The following SPTA1 variants were observed in gnomAD, a reference collection of about 807,000 sequenced individuals.
SPTA1 encodes the protein spectrin alpha, erythrocytic 1.
A neutral mutation model predicts 324.7 loss-of-function variants in SPTA1; 177 were observed. That is an observed-to-expected ratio of 0.55 (90% CI 0.48 to 0.62). SPTA1 has a LOEUF of 0.62. SPTA1 is among the 20% of genes least tolerant of loss of function. SPTA1 has a pLI of 0.00. For missense variants in SPTA1, 3,162 were observed against 2,883.6 expected (o/e 1.10, Z -2.21); for synonymous variants, 1,195 against 1,041.3 (o/e 1.15, Z -2.84).
chr1:158,668,087 A>C (rs773508381), intron 14 of SPTA1, 25 bp from the exon 15 acceptor site: 13 of 1,607,982 alleles, frequency 8.1e-6, no homozygotes, highest in Middle Eastern at 1.7e-4. Flanking sequence ...AAAAAAAAAA[A>C]AAAACCATTA....
At chr1:158,653,251 G>T (rs1361782340) in intron 22 of SPTA1, 23 bp downstream of exon 22, 2 of 1,613,936 alleles carry the variant, frequency 1.2e-6, no homozygotes, top group Non-Finnish European at 1.7e-6. Flanking sequence ...ATACTGTTCA[G>T]TTCTCCAGGC....
intron 39 of SPTA1, among the ~76,000 whole-genome samples, chr1:158,628,627 T>C (rs1372423638): frequency 2.0e-5 from 3 of 152,162 alleles, no homozygotes; most frequent in Admixed American, 1.3e-4. Context: ...TGATTGACTT[T>C]GTATGACTGA....
chr1:158,639,374 G>C (rs1442680452), intron 35 of SPTA1: 1 of 604,704 alleles, frequency 1.7e-6, no homozygotes, highest in East Asian at 2.9e-5. Context: ...GAATCTTAAA[G>C]TCTATAGTTT....
At chr1:158,624,498 T>G (rs1309151934) in intron 42 of SPTA1, among the ~76,000 whole-genome samples, 1 of 152,190 alleles carries the variant, frequency 6.6e-6, no homozygotes, top group Non-Finnish European at 1.5e-5. Flanking sequence ...ATTTCAGACT[T>G]GTATGAGGCC....
intron 49 of SPTA1, 135 bp downstream of exon 49, chr1:158,614,118 C>T (rs1431077272): frequency 8.6e-6 from 7 of 815,882 alleles, no homozygotes; most frequent in South Asian, 1.6e-5. Flanking sequence ...AAAGCCATGA[C>T]TGGAGCTAAT....
In SPTA1 at chr1:158,617,539, T is replaced by A; in HGVS notation, c.6598A>T (p.Lys2200Ter). The change falls in exon 47 of 52, where the codon AAA (lysine) becomes TAA (stop). Residue 2200 changes from lysine (K) to a stop codon, truncating the protein, a stop_gained and splice_region_variant. Transcript: ENST00000643759. LOFTEE classifies it high-confidence loss of function. ...GTLESQLEAN[K>*]RKQKEIQAMK... ...GTTAATGAAAAAACAATACTTACTT[T>A]ATTTGCTTCCAGCTGAGATTCCAGA... The A allele has an allele frequency of 6.2e-7, 1 of 1,613,184 alleles. No homozygotes were observed. The highest frequency in any genetic ancestry group is 1.1e-5 in the South Asian group (1 of 91,050).
Position 158,656,634 on chromosome 1 carries a change from G to A in SPTA1, c.2828C>T (p.Ala943Val). 5.6e-6 allele frequency: 9 copies of A among 1,613,662 alleles called. No homozygotes were observed. The highest frequency in any genetic ancestry group is 2.2e-5 in the East Asian group (1 of 44,856). Residue 943 changes from alanine to valine, a missense_variant, in exon 20 of 52, where the codon GCC becomes GTC. By Grantham distance (64) the Ala-to-Val change is moderately conservative (BLOSUM62 0). Coordinates refer to ENST00000643759, the MANE Select transcript of SPTA1 (RefSeq NM_003126.4). ...AAGALLKKHEAFLLDLNSFGD... is the reference protein window; with the variant it reads ...AAGALLKKHEVFLLDLNSFGD... Reference sequence around the variant, plus strand: ...AAATGAATTGAGATCTAATAGAAAGGCCTCATGCTTCTTTAGAAGAGCCTG... The same window carrying A: ...AAATGAATTGAGATCTAATAGAAAGACCTCATGCTTCTTTAGAAGAGCCTG...
chr1:158,648,430 G>A (rs886686258), intron 26 of SPTA1, 79 bp downstream of exon 26: 2 of 1,579,458 alleles, frequency 1.3e-6, no homozygotes, highest in Middle Eastern at 1.8e-4. Flanking sequence ...CTGAAAAAGA[G>A]AACCAAAGAA....
At chr1:158,614,889 C>T (rs985526069) in intron 48 of SPTA1, 3 of 286,078 alleles carry the variant, frequency 1.0e-5, no homozygotes, top group Non-Finnish European at 2.0e-5. Context: ...CTAGACATTA[C>T]ATTTTAGATA....
intron 39 of SPTA1, among the ~76,000 whole-genome samples, chr1:158,634,207 A>C (rs1650893991): frequency 6.6e-6 from 1 of 152,182 alleles, no homozygotes. Flanking sequence ...TAACATGAAA[A>C]TTCAAGGGAA....
At chr1:158,654,932 G>C (rs190348398) in intron 20 of SPTA1, among the ~76,000 whole-genome samples, 184 bp from the exon 21 acceptor site, 1 of 152,192 alleles carries the variant, frequency 6.6e-6, no homozygotes, top group East Asian at 1.9e-4. Context: ...GACACTTATC[G>C]GGGACAGGCA....
chr1:158,661,456 G>C (rs370763619), intron 17 of SPTA1, 47 bp from the exon 18 acceptor site: 2 of 1,612,690 alleles, frequency 1.2e-6, no homozygotes. Flanking sequence ...CTGGTGTATG[G>C]AAGTAGCATA....
rs114416893 is a variant in SPTA1, at chr1:158,673,846, A to G, written c.1350+483T>C. Among the ~76,000 whole-genome samples the G allele has an allele frequency of 6.6e-3, 999 of 152,316 alleles. 10 individuals are homozygous for G. Among genetic ancestry groups the G allele is most frequent in the African/African-American group, 0.023 (965 of 41,572 alleles). On this transcript the variant is annotated intron_variant, in intron 10 of 51. Coordinates refer to ENST00000643759, the MANE Select transcript of SPTA1 (RefSeq NM_003126.4). ...AAAATTTCAAGTGACTCAATTTAGC[A>G]AAACAGTAGAGTTAACTCCCCATAT...
chr1:158,640,457 A>T (rs1315998708), intron 33 of SPTA1, among the ~76,000 whole-genome samples: 1 of 152,142 alleles, frequency 6.6e-6, no homozygotes, highest in Non-Finnish European at 1.5e-5. Flanking sequence ...ATTTCTACTC[A>T]TGGAACATTA....
At chr1:158,662,984 A>G (rs780141709) in intron 16 of SPTA1, 39 bp from the exon 17 acceptor site, 3 of 1,612,678 alleles carry the variant, frequency 1.9e-6, no homozygotes, top group South Asian at 2.2e-5. Flanking sequence ...AAATCCCATC[A>G]TTTAGTAGGA....
rs1295055684 is a variant in SPTA1 at position 158,677,753 on chromosome 1, G to C, written c.894C>G (p.Ala298=). The C allele has an allele frequency of 6.2e-7, 1 of 1,613,688 alleles. No individual in the cohort carries two copies. Among genetic ancestry groups the C allele is most frequent in the East Asian group, 2.2e-5 (1 of 44,858 alleles). Residue 298 remains alanine (A), a synonymous_variant, in exon 7 of 52, where the codon GCC becomes GCG. Transcript: ENST00000643759. ...TSEDYGKDLV[A]SEGLFHSHKG... ...TGTGACTGTGAAACAGTCCTTCAGA[G>C]GCAACAAGGTCTTTGCCATAGTCCT...
chr1:158,638,992 C>A (rs1017190615), intron 35 of SPTA1, among the ~76,000 whole-genome samples: 3 of 152,130 alleles, frequency 2.0e-5, no homozygotes, highest in Non-Finnish European at 2.9e-5. Context: ...AGTGATGTCA[C>A]AGGAAACATC....
intron 21 of SPTA1, among the ~76,000 whole-genome samples, chr1:158,654,177 C>T (rs1029325906): frequency 3.3e-5 from 5 of 152,102 alleles, no homozygotes; most frequent in Non-Finnish European, 5.9e-5. Flanking sequence ...CTTCCAGGCA[C>T]AAGATCTAAA....
Position 158,615,293 on chromosome 1 carries a change from TC to T in SPTA1, c.6710del (p.Gly2237AspfsTer32). The T allele has an allele frequency of 6.2e-7, 1 of 1,614,024 alleles. No homozygotes were observed. The highest frequency in any genetic ancestry group is 8.5e-7 in the Non-Finnish European group (1 of 1,180,012). On this transcript the variant is annotated frameshift_variant, in exon 48 of 52. Coordinates refer to ENST00000643759, the MANE Select transcript of SPTA1 (RefSeq NM_003126.4). LOFTEE classifies it high-confidence loss of function. ...LILDIKYSTI[G>X]LAQQWDQLYQ... The stretch of plus-strand genomic sequence containing the variant: ...AGAGCTGGTCCCACTGCTGAGCCAA[TC>T]CAATGGTGCTGTATTTGATATCAAG...
Sources: gnomAD v4.1 joint callset for allele counts (sites outside exome capture counted in the v4.1 genomes callset) on GRCh38, gnomAD v4.1.1 for gene constraint, MANE v1.5 for transcripts, NCBI Gene and HGNC (gene_info 2026-07-23, HGNC 2026-07-21) for gene names.